Variants in GC observed in about 807,000 individuals in gnomAD.
The protein encoded by GC is GC vitamin D binding protein, also known as vitamin D-binding protein.
Under a neutral mutation model 56.7 loss-of-function variants are expected in GC, and 43 were observed. The ratio of observed to expected loss-of-function variants is 0.76; its 90% CI spans 0.59 to 0.98. The LOEUF is 0.98. GC is among the 50% of genes least tolerant of loss of function. The probability of loss-of-function intolerance (pLI) is 0.00; values close to 1 mark genes in which losing one functional copy is unlikely to be tolerated. For missense variants in GC, 529 were observed against 545.9 expected, an observed-to-expected ratio of 0.97 and a Z score of 0.31; for synonymous variants, 216 against 202.7, an observed-to-expected ratio of 1.07 and a Z score of -0.56.
chr4:71,756,017 T>A (rs1741756643), intron 8 of GC, among the ~76,000 whole-genome samples: 1 of 152,244 alleles, frequency 6.6e-6, no homozygotes, highest in Non-Finnish European at 1.5e-5. Context: ...ACTTACTTTT[T>A]TTTAGTTGGA....
chr4:71,797,489 G>A (rs551808174), intron 1 of GC, among the ~76,000 whole-genome samples: 21 of 152,358 alleles, frequency 1.4e-4, no homozygotes, highest in African/African-American at 4.8e-4. Context: ...CATGGGACCT[G>A]CCGAGCCAGG....
chr4:71,765,395 T>C (rs748714793), intron 4 of GC, 37 bp downstream of exon 4: 1 of 1,499,650 alleles, frequency 6.7e-7, no homozygotes, highest in Non-Finnish European at 9.3e-7. Context: ...TCTGATACTT[T>C]AGGTCCTAAA....
At chr4:71,763,972 G>C in intron 4 of GC, 36 bp from the exon 5 acceptor site, 1 of 1,553,946 alleles carries the variant, frequency 6.4e-7, no homozygotes, top group East Asian at 2.2e-5. Context: ...CAAAAAATTT[G>C]TGAATAAACA....
intron 12 of GC, among the ~76,000 whole-genome samples, chr4:71,743,467 TACTC>T (rs1471303125): frequency 2.0e-5 from 3 of 152,196 alleles, no homozygotes; most frequent in Non-Finnish European, 2.9e-5. Flanking sequence ...ACTCAGCACT[TACTC>T]TGAAATCATT....
At position 71,769,316 on chromosome 4, in the gene GC, C is replaced by A; in HGVS notation, c.128+15G>T. ...ATCAAATCACCAACAGAGTGAGTGGCTGCTGCACACTTACAGAGATGTGAA... is the reference window on the plus strand; with the variant it reads ...ATCAAATCACCAACAGAGTGAGTGGATGCTGCACACTTACAGAGATGTGAA... On this transcript the variant is annotated intron_variant, in intron 2 of 12. Coordinates refer to ENST00000273951, the MANE Select transcript of GC (RefSeq NM_000583.4). 6.3e-7 allele frequency: 1 copy of A among 1,574,914 alleles called. No homozygotes were observed. Among genetic ancestry groups the A allele is most frequent in the Non-Finnish European group, 8.7e-7 (1 of 1,144,778 alleles).
intron 10 of GC, among the ~76,000 whole-genome samples, chr4:71,753,446 G>T (rs925125469): frequency 6.6e-6 from 1 of 150,788 alleles, no homozygotes. Flanking sequence ...TTGAGCTGCC[G>T]GGGGGTGCAA....
At chr4:71,755,362 C>G (rs1252578524) in intron 8 of GC, among the ~76,000 whole-genome samples, 1 of 151,898 alleles carries the variant, frequency 6.6e-6, no homozygotes, top group East Asian at 1.9e-4. Context: ...AGGGTTTCAC[C>G]ATGTTGGCTA....
chr4:71,755,143 A>G (rs764175036), intron 8 of GC, 36 bp from the exon 9 acceptor site: 5 of 459,852 alleles, frequency 1.1e-5, no homozygotes, highest in Non-Finnish European at 1.7e-5. Context: ...TGTGTTATAT[A>G]TTTCCTATTT....
At chr4:71,781,301 G>A (rs926768700) in intron 1 of GC, among the ~76,000 whole-genome samples, 43 of 151,886 alleles carry the variant, frequency 2.8e-4, no homozygotes, top group African/African-American at 1.0e-3. Context: ...GAGTTAATGG[G>A]TGTCAGCAAA....
chr4:71,742,133 T>C (rs915667562), intron 12 of GC, among the ~76,000 whole-genome samples: 2 of 152,184 alleles, frequency 1.3e-5, no homozygotes. Context: ...GCAGTGTTTT[T>C]TTAATTATAT....
intron 3 of GC, 51 bp downstream of exon 3, chr4:71,768,250 T>C: frequency 6.6e-7 from 1 of 1,506,078 alleles, no homozygotes; most frequent in Non-Finnish European, 8.9e-7. Flanking sequence ...AAGGCCTATT[T>C]TGGCTTCCTT....
intron 11 of GC, among the ~76,000 whole-genome samples, chr4:71,752,169 G>A (rs1741577833): frequency 1.3e-5 from 2 of 151,954 alleles, no homozygotes; most frequent in South Asian, 2.1e-4. Flanking sequence ...TGTTCTCACT[G>A]TATTCTTATT....
rs138601438 is a variant in GC, at chr4:71,791,900, A to G, written c.22-7846T>C. ...CTCATTGTTCAATTCCCACCTATGA[A>G]TGAGAACATGCGGTGTTTGCTTTTC... On this transcript the variant is annotated intron_variant, in intron 1 of 13. Transcript: ENST00000504199. 9.8e-3 allele frequency among the ~76,000 whole-genome samples: 1,488 copies of G among 152,044 alleles called. 26 individuals are homozygous for G. The highest frequency in any genetic ancestry group is 0.034 in the African/African-American group (1,421 of 41,496).
chr4:71,745,652 CTA>C (rs35643766), intron 12 of GC, among the ~76,000 whole-genome samples: 14,122 of 152,126 alleles, frequency 0.093, 942 homozygotes, highest in African/African-American at 0.19. Context: ...TTGGAATAAA[CTA>C]TTTTATGTTC....
Position 71,760,210 on chromosome 4 carries a change from A to ATT in GC, c.702-2041_702-2040dup, listed in dbSNP as rs371580776. Among the ~76,000 whole-genome samples, 520 of 140,696 alleles carry ATT rather than the reference A, an allele frequency of 3.7e-3. 3 individuals carry two copies. The highest frequency in any genetic ancestry group is 0.013 in the African/African-American group (496 of 38,020). 92.3% of individuals were successfully genotyped at this position (140,696 alleles called of 152,430 possible). ...AGGCGCCCACCACCATGCCTGGCTA[A>ATT]TTTTTTTTTTTTTTTGTATTTTTAG... is the stretch of plus-strand genomic sequence containing the variant. On this transcript the variant is annotated intron_variant, in intron 6 of 12. Transcript: ENST00000273951.
At chr4:71,791,198 G>T (rs576544088) in intron 1 of GC, among the ~76,000 whole-genome samples, 34 of 152,016 alleles carry the variant, frequency 2.2e-4, no homozygotes, top group African/African-American at 8.2e-4. Context: ...CAATCCCATT[G>T]TTTGTACTAT....
chr4:71,749,473 C>A (rs1741478164), intron 11 of GC, among the ~76,000 whole-genome samples: 1 of 152,140 alleles, frequency 6.6e-6, no homozygotes, highest in Non-Finnish European at 1.5e-5. Context: ...GGAAAGGTTT[C>A]AAAAGTGATA....
intron 6 of GC, among the ~76,000 whole-genome samples, chr4:71,760,007 T>C (rs1450124835): frequency 6.6e-6 from 1 of 151,894 alleles, no homozygotes; most frequent in Non-Finnish European, 1.5e-5. Flanking sequence ...AGTATTCAAG[T>C]AGTTCTGAGG....
chr4:71,805,265 C>A (rs188493830), upstream of GC, among the ~76,000 whole-genome samples: 23 of 152,284 alleles, frequency 1.5e-4, no homozygotes, highest in Admixed American at 3.3e-4. Flanking sequence ...CATGATGAAA[C>A]CCTAGCTTGA....
Sources: gnomAD v4.1 joint callset for allele counts (sites outside exome capture counted in the v4.1 genomes callset) on GRCh38, gnomAD v4.1.1 for gene constraint, MANE v1.5 for transcripts, NCBI Gene and HGNC (gene_info 2026-07-23, HGNC 2026-07-21) for gene names.